The following NF1 variants were observed in gnomAD, a reference collection of about 807,000 sequenced individuals.
NF1 encodes neurofibromin.
Under a neutral mutation model 325.7 loss-of-function variants are expected in NF1, and 122 were observed. The ratio of observed to expected loss-of-function variants is 0.37; its 90% CI spans 0.32 to 0.44. The LOEUF (loss-of-function observed/expected upper bound fraction) is 0.44. Ranked by LOEUF, NF1 falls within the 20% of genes least tolerant of loss-of-function variation. The probability of loss-of-function intolerance (pLI) is 1.00; values close to 1 mark genes in which losing one functional copy is unlikely to be tolerated. For missense variants in NF1, 2,140 were observed against 3,415.4 expected (o/e 0.63, Z 9.31); for synonymous variants, 1,091 against 1,186.0 (o/e 0.92, Z 1.65).
chr17:31,301,799 G>A (rs908700533), intron 36 of NF1, among the ~76,000 whole-genome samples: 45 of 152,126 alleles, frequency 3.0e-4, no homozygotes, highest in Admixed American at 2.6e-3. Flanking sequence ...TGGTCTTCAG[G>A]GTTGTGTCTG....
At chr17:31,266,586 A>G (rs752120483) in intron 36 of NF1, among the ~76,000 whole-genome samples, 8 of 152,096 alleles carry the variant, frequency 5.3e-5, no homozygotes, top group Non-Finnish European at 1.0e-4. Context: ...TCTAACCCCA[A>G]CCTTTAATAC....
intron 8 of NF1, among the ~76,000 whole-genome samples, chr17:31,190,792 C>T (rs537169195): frequency 6.6e-6 from 1 of 152,260 alleles, no homozygotes; most frequent in Non-Finnish European, 1.5e-5. Flanking sequence ...TGCAGCAGGT[C>T]AGAGTTTCAT....
chr17:31,144,890 T>C (rs954809275), intron 1 of NF1, among the ~76,000 whole-genome samples: 1 of 152,186 alleles, frequency 6.6e-6, no homozygotes, highest in African/African-American at 2.4e-5. Flanking sequence ...GGCAAAATCT[T>C]ATTGCGGGAA....
chr17:31,326,610 G>A (rs2069350211), intron 37 of NF1, among the ~76,000 whole-genome samples: 1 of 152,156 alleles, frequency 6.6e-6, no homozygotes, highest in Non-Finnish European at 1.5e-5. Context: ...TTGCGCCACT[G>A]CACTCCAGCC....
intron 1 of NF1, among the ~76,000 whole-genome samples, chr17:31,117,148 T>G (rs1913992851): frequency 1.3e-5 from 2 of 151,460 alleles, no homozygotes; most frequent in Admixed American, 6.6e-5. Context: ...CCTGGCTAAA[T>G]TTTTGTATTT....
Position 31,377,211 on chromosome 17 carries a change from T to A in NF1, c.*3056T>A, listed in dbSNP as rs891147679. 8.6e-6 allele frequency: 2 copies of A among 233,380 alleles called. No homozygotes were observed. The highest frequency in any genetic ancestry group is 4.4e-5 in the African/African-American group (2 of 45,298). 14.5% of individuals were successfully genotyped at this position (233,380 alleles called of 1,614,324 possible). ...ATGCAGTATATTCACCTGTAAATAG[T>A]TTGTGTAAAATTTGACAAAAAAAGT... On this transcript the variant is annotated 3_prime_UTR_variant, in exon 58 of 58. Transcript: ENST00000358273.
chr17:31,296,444 G>A (rs149168519), intron 36 of NF1: 6 of 1,019,892 alleles, frequency 5.9e-6, no homozygotes, highest in South Asian at 2.6e-5. Flanking sequence ...CGTTGTTGTC[G>A]AGTCCTTTTA....
At chr17:31,310,683 C>T (rs1202887431) in intron 36 of NF1, among the ~76,000 whole-genome samples, 1 of 151,988 alleles carries the variant, frequency 6.6e-6, no homozygotes, top group Non-Finnish European at 1.5e-5. Flanking sequence ...AGCAATTATT[C>T]CAAAGAACCC....
At chr17:31,224,061 A>G (rs1157726380) in intron 16 of NF1, among the ~76,000 whole-genome samples, 2 of 152,154 alleles carry the variant, frequency 1.3e-5, no homozygotes, top group South Asian at 2.1e-4. Flanking sequence ...TCATGGCTAG[A>G]CTAGTCCAGA....
rs190997298 is a variant in NF1 at position 31,116,824 on chromosome 17, T to A, written c.60+21455T>A. On this transcript the variant is annotated intron_variant, in intron 1 of 57. Coordinates refer to ENST00000358273, the MANE Select transcript of NF1 (RefSeq NM_001042492.3). ...CTGGGACTACAGGTGCCCGCCCCCA[T>A]GCCCAGCTAATTTTTTTGTATTTTT... Among the ~76,000 whole-genome samples, 4 of 149,458 alleles carry A rather than the reference T, an allele frequency of 2.7e-5. No homozygotes were observed. The East Asian group carries it at 6.0e-4, about 22-fold the overall frequency.
intron 8 of NF1, among the ~76,000 whole-genome samples, chr17:31,187,302 G>A (rs1466735353): frequency 2.0e-5 from 3 of 152,124 alleles, no homozygotes; most frequent in African/African-American, 4.8e-5. Flanking sequence ...AGGTTCAAGC[G>A]ATTCTCCTGC....
intron 36 of NF1, chr17:31,295,539 T>C (rs1197753079): frequency 6.2e-7 from 1 of 1,614,158 alleles, no homozygotes; most frequent in Admixed American, 1.7e-5. Flanking sequence ...GGATACATGT[T>C]ATGTTCCTTT....
At chr17:31,129,415 G>C (rs1915160750) in intron 1 of NF1, among the ~76,000 whole-genome samples, 1 of 149,446 alleles carries the variant, frequency 6.7e-6, no homozygotes, top group African/African-American at 2.5e-5. Context: ...TTCTCAGCTT[G>C]GTCTGTTCTA....
chr17:31,221,751 A>C (rs1353817338), intron 14 of NF1, 99 bp from the exon 15 acceptor site: 1 of 829,892 alleles, frequency 1.2e-6, no homozygotes, highest in Non-Finnish European at 2.0e-6. Context: ...GAAAGAGCTC[A>C]ATTTCTTAGC....
At chr17:31,296,749 C>T in intron 36 of NF1, 1 of 202,092 alleles carries the variant, frequency 4.9e-6, no homozygotes, top group Non-Finnish European at 1.0e-5. Context: ...GCTGTCGTGT[C>T]TTTTTTTTTT....
chr17:31,187,445 C>G (rs1366891745), intron 8 of NF1, among the ~76,000 whole-genome samples: 3 of 152,186 alleles, frequency 2.0e-5, no homozygotes, highest in African/African-American at 4.8e-5. Flanking sequence ...ATCTGCCCCC[C>G]TCGGCCTCCC....
chr17:31,294,221 A>C (rs1045438862), intron 36 of NF1, among the ~76,000 whole-genome samples: 2 of 152,226 alleles, frequency 1.3e-5, no homozygotes, highest in Non-Finnish European at 2.9e-5. Context: ...ATTCTCCATT[A>C]ATGGTGTGTT....
chr17:31,180,820 A>C (rs954359929), intron 5 of NF1, among the ~76,000 whole-genome samples: 1 of 152,234 alleles, frequency 6.6e-6, no homozygotes, highest in Admixed American at 6.5e-5. Context: ...CTGTTTGCAG[A>C]TGACATGGTT....
chr17:31,263,103 GTAGGTAGA>G (rs1227327540), intron 35 of NF1, among the ~76,000 whole-genome samples: 32 of 59,424 alleles, frequency 5.4e-4, no homozygotes, highest in Non-Finnish European at 1.4e-3. Context: ...AGGTAGGTAG[GTAGGTAGA>G]TAGATAGATA....
Sources: gnomAD v4.1 joint callset for allele counts (sites outside exome capture counted in the v4.1 genomes callset) on GRCh38, gnomAD v4.1.1 for gene constraint, MANE v1.5 for transcripts, NCBI Gene and HGNC (gene_info 2026-07-23, HGNC 2026-07-21) for gene names.